Variants in CAPRIN1 observed in about 807,000 individuals in gnomAD.
CAPRIN1 encodes cell cycle associated protein 1.
Under a neutral mutation model 100.9 loss-of-function variants are expected in CAPRIN1, and 29 were observed. That is an observed-to-expected ratio of 0.29 (90% CI 0.21 to 0.39). The LOEUF is 0.39. CAPRIN1 is among the 10% of genes least tolerant of loss of function. The pLI is 1.00. For synonymous variants in CAPRIN1, 338 were observed against 307.5 expected, an observed-to-expected ratio of 1.10 and a Z score of -1.04; for missense variants, 795 against 876.7, an observed-to-expected ratio of 0.91 and a Z score of 1.18.
At chr11:34,087,310 G>A (rs1851165849) in intron 11 of CAPRIN1, among the ~76,000 whole-genome samples, 2 of 151,828 alleles carry the variant, frequency 1.3e-5, no homozygotes, top group South Asian at 4.2e-4. Flanking sequence ...CTGAAGTAAA[G>A]GGAGCTCATA....
chr11:34,098,495 A>G, intron 18 of CAPRIN1: 3 of 985,320 alleles, frequency 3.0e-6, no homozygotes, highest in Non-Finnish European at 3.6e-6. Flanking sequence ...CTCTGATTTG[A>G]GGGAGGTTAA....
chr11:34,072,049 C>T (rs543228481), intron 4 of CAPRIN1, 62 bp downstream of exon 4: 5 of 1,058,146 alleles, frequency 4.7e-6, no homozygotes, highest in Admixed American at 2.1e-5. Context: ...GGTTTTAGTC[C>T]TTCCATTACT....
chr11:34,098,047 C>T (rs1851398177), intron 18 of CAPRIN1: 2 of 1,102,274 alleles, frequency 1.8e-6, no homozygotes, highest in Non-Finnish European at 2.2e-6. Flanking sequence ...GGTCCTAAAA[C>T]CTGCTAAATG....
intron 18 of CAPRIN1, chr11:34,098,026 A>G (rs1851397813): frequency 8.7e-7 from 1 of 1,144,170 alleles, no homozygotes; most frequent in East Asian, 4.3e-5. Flanking sequence ...CCAACTGAAA[A>G]TTATTTTTCA....
intron 7 of CAPRIN1, 139 bp downstream of exon 7, chr11:34,079,904 A>AGTTTTTTGTTTTTTGTTTTTTTTTTTT (rs1565091690): frequency 2.0e-6 from 1 of 496,410 alleles, no homozygotes; most frequent in African/African-American, 2.3e-5. Context: ...AGCATGACAA[A>AGTTTTTTGTTTTTTGTTTTTTTTTTTT]GTTTTTTTTT....
chr11:34,090,490 A>G, intron 13 of CAPRIN1, 39 bp from the exon 14 acceptor site: 1 of 1,597,398 alleles, frequency 6.3e-7, no homozygotes, highest in South Asian at 1.1e-5. Context: ...GGCTAAGTTT[A>G]GTTTACCGCT....
chr11:34,052,718 C>A (rs1850351770), intron 2 of CAPRIN1, 82 bp downstream of exon 2: 2 of 1,470,446 alleles, frequency 1.4e-6, no homozygotes, highest in Middle Eastern at 2.2e-4. Flanking sequence ...GGAGCCTTCG[C>A]TTCTTTTCGT....
At chr11:34,090,759 A>C in intron 14 of CAPRIN1, 81 bp downstream of exon 14, 2 of 1,252,874 alleles carry the variant, frequency 1.6e-6, no homozygotes, top group Non-Finnish European at 1.1e-6. Context: ...AAAGGTCTTC[A>C]TTTAACTGTG....
At chr11:34,060,762 AC>A (rs5790973) in intron 2 of CAPRIN1, among the ~76,000 whole-genome samples, 44,641 of 152,088 alleles carry the variant, frequency 0.29, 6,930 homozygotes, top group East Asian at 0.34. Flanking sequence ...GTTTTAGAAA[AC>A]GAAAAAGTAT....
chr11:34,058,384 G>A (rs984132715), intron 2 of CAPRIN1, among the ~76,000 whole-genome samples: 2 of 152,222 alleles, frequency 1.3e-5, no homozygotes, highest in African/African-American at 2.4e-5. Flanking sequence ...TGATCTGCAC[G>A]CCTTGGCCTC....
At chr11:34,072,508 C>T (rs1182634241) in intron 4 of CAPRIN1, among the ~76,000 whole-genome samples, 1 of 152,018 alleles carries the variant, frequency 6.6e-6, no homozygotes, top group Non-Finnish European at 1.5e-5. Context: ...TGTCTAATGA[C>T]TCACAATTTA....
At chr11:34,072,068 G>C in intron 4 of CAPRIN1, 81 bp downstream of exon 4, 1 of 864,976 alleles carries the variant, frequency 1.2e-6, no homozygotes, top group Non-Finnish European at 1.8e-6. Flanking sequence ...CTATTGATAA[G>C]CTCTCTGCAA....
intron 12 of CAPRIN1, 68 bp from the exon 13 acceptor site, chr11:34,090,111 G>A: frequency 2.2e-6 from 2 of 890,380 alleles, no homozygotes; most frequent in Non-Finnish European, 3.6e-6. Context: ...CGTCTTAGAG[G>A]TAACTTGTTT....
intron 2 of CAPRIN1, 125 bp downstream of exon 2, chr11:34,052,761 C>T (rs577339278): frequency 7.1e-7 from 1 of 1,412,660 alleles, no homozygotes; most frequent in Non-Finnish European, 9.5e-7. Flanking sequence ...CTCCTCCCAC[C>T]CCCTGGCCCA....
At chr11:34,054,673 C>A (rs550177223) in intron 2 of CAPRIN1, among the ~76,000 whole-genome samples, 16 of 152,280 alleles carry the variant, frequency 1.1e-4, no homozygotes, top group African/African-American at 3.4e-4. Flanking sequence ...CTGATCCGCC[C>A]GCCTTGGTCT....
At chr11:34,094,900 G>C (rs1277170295) in intron 15 of CAPRIN1, among the ~76,000 whole-genome samples, 4 of 151,852 alleles carry the variant, frequency 2.6e-5, no homozygotes, top group African/African-American at 9.7e-5. Flanking sequence ...TTCATTTTTT[G>C]AGACAGAGTC....
At chr11:34,089,348 T>G (rs1565096012) in intron 11 of CAPRIN1, 47 bp from the exon 12 acceptor site, 1 of 1,057,122 alleles carries the variant, frequency 9.5e-7, no homozygotes, top group South Asian at 1.4e-5. Flanking sequence ...CGCGTCTCTC[T>G]AAAAATTTAA....
chr11:34,076,675 A>G (rs777654708), intron 6 of CAPRIN1, 33 bp downstream of exon 6: 26 of 1,382,674 alleles, frequency 1.9e-5, no homozygotes, highest in Non-Finnish European at 2.5e-5. Context: ...TGATTTTATA[A>G]CTAGGAATCT....
rs531866141 is a variant in CAPRIN1, at chr11:34,102,377, GGTT to G, written c.*3014_*3016del. On this transcript the variant is annotated 3_prime_UTR_variant, in exon 19 of 19. Coordinates refer to ENST00000341394, the MANE Select transcript of CAPRIN1 (RefSeq NM_005898.5). ...AGCTCCTGAATCTGCATTCCACTTG[GGTT>G]GTTTTTAAGCATTCTAAATTTTAGT... 4.3e-3 allele frequency among the ~76,000 whole-genome samples: 656 copies of G among 152,232 alleles called. 6 individuals carry two copies. The highest frequency in any genetic ancestry group is 0.015 in the African/African-American group (617 of 41,534).
Sources: gnomAD v4.1 joint callset for allele counts (sites outside exome capture counted in the v4.1 genomes callset) on GRCh38, gnomAD v4.1.1 for gene constraint, MANE v1.5 for transcripts, NCBI Gene and HGNC (gene_info 2026-07-23, HGNC 2026-07-21) for gene names.